Variants in ZNF469 observed in about 807,000 individuals in gnomAD.
ZNF469 encodes zinc finger protein 469.
Under a neutral mutation model 1.0 loss-of-function variants are expected in ZNF469, and 1 was observed. The observed-to-expected ratio is 1.00, with a 90% CI of 0.35 to 4.73. The LOEUF (loss-of-function observed/expected upper bound fraction) is 4.73. Among genes scored for constraint, ZNF469 ranks in the 30% most tolerant of loss-of-function variants. The pLI is 0.16. For synonymous variants in ZNF469, 2,703 were observed against 2,363.4 expected (o/e 1.14, Z -4.17); for missense variants, 6,100 against 5,356.3 (o/e 1.14, Z -4.33).
the ZNF469 span, among the ~76,000 whole-genome samples, chr16:88,377,127 G>A: frequency 6.6e-6 from 1 of 152,258 alleles, no homozygotes; most frequent in Non-Finnish European, 1.5e-5. Context: ...CACCACTCCT[G>A]TGTCTTCTGC....
chr16:88,363,835 T>C, the ZNF469 span, among the ~76,000 whole-genome samples: 1 of 150,930 alleles, frequency 6.6e-6, no homozygotes, highest in African/African-American at 2.4e-5. Flanking sequence ...TCTGAGTCGT[T>C]GTTTTCTGGT....
rs530720576 is a variant in ZNF469, at chr16:88,428,413, G to A, written c.943G>A (p.Glu315Lys). 169 of 1,548,264 alleles carry A rather than the reference G, an allele frequency of 1.1e-4. 1 individual carries two copies. The Middle Eastern group carries it at 2.5e-3, about 23-fold the overall frequency. ...AFHQPQGAWPEEAVGTGPAYP... is the reference protein window; with the variant it reads ...AFHQPQGAWPKEAVGTGPAYP... ...CCATCAGCCCCAGGGAGCGTGGCCGGAGGAGGCCGTGGGCACGGGCCCTGC... is the reference window on the plus strand; with the variant it reads ...CCATCAGCCCCAGGGAGCGTGGCCGAAGGAGGCCGTGGGCACGGGCCCTGC... The change falls in exon 3 of 3, where the codon GAG becomes AAG. Residue 315 changes from glutamate to lysine, a missense_variant. Physicochemically the swap from Glu to Lys is moderately conservative, Grantham distance 56 (BLOSUM62 1). Coordinates refer to ENST00000565624, the MANE Select transcript of ZNF469 (RefSeq NM_001367624.2).
intron 1 of ZNF469, among the ~76,000 whole-genome samples, chr16:88,420,689 G>A (rs1299507955): frequency 1.3e-5 from 2 of 152,244 alleles, no homozygotes; most frequent in South Asian, 2.1e-4. Context: ...CTGAGCAAAC[G>A]TCTGCTAGGC....
chr16:88,381,140 ACACACACACT>A (rs1301071332), upstream of ZNF469, among the ~76,000 whole-genome samples: 5 of 142,328 alleles, frequency 3.5e-5, no homozygotes, highest in South Asian at 9.3e-4. Context: ...ACATGCACTC[ACACACACACT>A]CACACACAGA....
the ZNF469 span, among the ~76,000 whole-genome samples, chr16:88,226,336 G>T: frequency 6.6e-6 from 1 of 152,052 alleles, no homozygotes; most frequent in Non-Finnish European, 1.5e-5. Flanking sequence ...TTAGGAGGCT[G>T]GGAGAAGAGA....
chr16:88,256,869 TTCTTTCTTTTCTTTTCTTTTC>T, the ZNF469 span, among the ~76,000 whole-genome samples: 1 of 147,388 alleles, frequency 6.8e-6, no homozygotes, highest in Admixed American at 6.8e-5. Flanking sequence ...TTTCCTTCCT[TTCTTTCTTTTCTTTTCTTTTC>T]TTTCCTTCTT....
the ZNF469 span, among the ~76,000 whole-genome samples, chr16:88,350,109 C>T: frequency 1.3e-5 from 2 of 152,180 alleles, no homozygotes; most frequent in Admixed American, 6.5e-5. Context: ...CTCCCGCCCC[C>T]CTTGGGGCGG....
the ZNF469 span, among the ~76,000 whole-genome samples, chr16:88,147,434 G>A: frequency 2.0e-5 from 3 of 152,068 alleles, no homozygotes; most frequent in Non-Finnish European, 4.4e-5. Context: ...GGAAGCTCTC[G>A]GGTGGGGAGC....
intron 1 of ZNF469, among the ~76,000 whole-genome samples, chr16:88,405,529 A>C (rs1006482016): frequency 6.6e-6 from 1 of 152,108 alleles, no homozygotes; most frequent in African/African-American, 2.4e-5. Flanking sequence ...AGGCATTTGC[A>C]TCAGGGCCTT....
the ZNF469 span, among the ~76,000 whole-genome samples, chr16:88,246,131 C>T: frequency 1.3e-5 from 2 of 152,290 alleles, no homozygotes; most frequent in Admixed American, 6.5e-5. Flanking sequence ...CTTTGCTCCC[C>T]ATGATGTTCT....
chr16:88,199,780 G>T, the ZNF469 span, among the ~76,000 whole-genome samples: 1 of 152,340 alleles, frequency 6.6e-6, no homozygotes, highest in South Asian at 2.1e-4. Flanking sequence ...CACTCTCTGT[G>T]TGGCTCCAGG....
At chr16:88,398,477 C>T (rs1022383413) in intron 1 of ZNF469, among the ~76,000 whole-genome samples, 5 of 151,292 alleles carry the variant, frequency 3.3e-5, no homozygotes, top group South Asian at 2.1e-4. Flanking sequence ...CCGTGAGCCA[C>T]GGATGAAGGG....
At chr16:88,113,008 G>A in the ZNF469 span, among the ~76,000 whole-genome samples, 1 of 152,072 alleles carries the variant, frequency 6.6e-6, no homozygotes, top group Non-Finnish European at 1.5e-5. Flanking sequence ...TCGATCTCCT[G>A]ACCTCGTGAT....
the ZNF469 span, among the ~76,000 whole-genome samples, chr16:88,135,752 T>TATTTTA: frequency 2.7e-5 from 1 of 36,598 alleles, no homozygotes. Context: ...GGCCATGTTT[T>TATTTTA]TTTTTTTTTT....
At position 88,430,042 on chromosome 16, in the gene ZNF469, C is replaced by G. The variant is rs181719686; in HGVS notation, c.2572C>G (p.Pro858Ala). 1.2e-5 allele frequency: 18 copies of G among 1,550,394 alleles called. No individual in the cohort carries two copies. In the East Asian group the frequency reaches 1.7e-4, roughly 15 times the overall value. The change falls in exon 3 of 3, where the codon CCG becomes GCG. Residue 858 changes from proline to alanine, a missense_variant. Physicochemically the swap from Pro to Ala is conservative, Grantham distance 27. Coordinates refer to ENST00000565624, the MANE Select transcript of ZNF469 (RefSeq NM_001367624.2). Reference protein sequence around the residue: ...LNGMEYQSDNPEIDSSFIDVF... With the variant: ...LNGMEYQSDNAEIDSSFIDVF... ...CGGCATGGAGTACCAGTCGGACAAC[C>G]CGGAGATCGACAGCAGCTTCATCGA... is the stretch of plus-strand genomic sequence containing the variant.
At chr16:88,376,376 C>T in the ZNF469 span, among the ~76,000 whole-genome samples, 2,032 of 152,324 alleles carry the variant, frequency 0.013, 51 homozygotes, top group African/African-American at 0.046. Context: ...TGTGAGGGGA[C>T]GTCCGGGGTG....
chr16:88,124,971 C>T, the ZNF469 span, among the ~76,000 whole-genome samples: 1 of 152,226 alleles, frequency 6.6e-6, no homozygotes, highest in Non-Finnish European at 1.5e-5. Flanking sequence ...ATCTCAGGGT[C>T]ATGAATAATT....
the ZNF469 span, among the ~76,000 whole-genome samples, chr16:88,237,031 C>G: frequency 1.3e-5 from 2 of 150,862 alleles, no homozygotes; most frequent in Non-Finnish European, 3.0e-5. Context: ...CTCCCTTGCC[C>G]TCCAGTTCCA....
the ZNF469 span, among the ~76,000 whole-genome samples, chr16:88,187,156 C>T: frequency 1.3e-5 from 2 of 152,052 alleles, no homozygotes; most frequent in Non-Finnish European, 2.9e-5. Flanking sequence ...CAGGGTCCAG[C>T]TCACCTGGTG....
Sources: allele counts gnomAD v4.1 joint callset (sites outside exome capture counted in the v4.1 genomes callset), GRCh38; gene constraint gnomAD v4.1.1; transcripts MANE v1.5; gene names NCBI Gene and HGNC (gene_info 2026-07-23, HGNC 2026-07-21).